Variants in ITM2C observed in about 807,000 individuals in gnomAD.
The protein encoded by ITM2C is integral membrane protein 2C.
In ITM2C, 20 loss-of-function variants were observed where a neutral mutation model predicts 30.0. The ratio of observed to expected loss-of-function variants is 0.67; its 90% CI spans 0.47 to 0.97. The LOEUF is 0.97. ITM2C is among the 50% of genes least tolerant of loss of function. The probability of loss-of-function intolerance (pLI) is 0.00; values close to 1 mark genes in which losing one functional copy is unlikely to be tolerated. For missense variants in ITM2C, 366 were observed against 371.9 expected, an observed-to-expected ratio of 0.98 and a Z score of 0.13; for synonymous variants, 167 against 156.4, an observed-to-expected ratio of 1.07 and a Z score of -0.51.
rs539657538 is a variant in ITM2C at position 230,877,231 on chromosome 2, C to T, written c.562-169C>T. ...GTACGGACTCGTGCGCATGCCATTG[C>T]TCCTGGCAGCACAGGTGCAGGCACC... On this transcript the variant is annotated intron_variant, in intron 4 of 5. Transcript: ENST00000326427. This position sits in a 1 kb window ranked among gnomAD's most constrained non-coding sequence, Gnocchi z 4.8. Among the ~76,000 whole-genome samples the T allele has an allele frequency of 6.6e-6, 1 of 152,322 alleles. No individual in the cohort carries two copies. The highest frequency in any genetic ancestry group is 2.4e-5 in the African/African-American group (1 of 41,556).
At position 230,873,204 on chromosome 2, in the gene ITM2C, T is replaced by C. The variant is rs187514180; in HGVS notation, c.121-213T>C. The C allele has an allele frequency of 5.0e-5, 23 of 458,318 alleles. 1 individual carries two copies. In the East Asian group the frequency reaches 7.6e-4, roughly 15 times the overall value. 28.4% of individuals were successfully genotyped at this position (458,318 alleles called of 1,614,324 possible). On this transcript the variant is annotated intron_variant, in intron 1 of 5. Coordinates refer to ENST00000326427, the MANE Select transcript of ITM2C (RefSeq NM_030926.6). ...TTCTCTTTCGAGGTGTGTCTCCTTT[T>C]CTCTTTCGAGGTTTGTCTCGGTTTC...
Position 230,865,164 on chromosome 2 carries a change from C to T in ITM2C, c.120+19C>T, listed in dbSNP as rs1326382710. The T allele has an allele frequency of 1.4e-6, 2 of 1,413,528 alleles. No individual in the cohort carries two copies. The highest frequency in any genetic ancestry group is 9.3e-7 in the Non-Finnish European group (1 of 1,071,020). The allele number at this position is 1,413,528 out of a possible 1,614,324, so 87.6% of individuals were successfully genotyped here. ...GGCTAGGGTGAGAGGGTCTGGGGCT[C>T]AGGCGGTGGGGCGGGGGACCCAGGC... is the stretch of plus-strand genomic sequence containing the variant. On this transcript the variant is annotated intron_variant, in intron 1 of 5. Coordinates refer to ENST00000326427, the MANE Select transcript of ITM2C (RefSeq NM_030926.6). This position sits in a 1 kb window ranked among gnomAD's most constrained non-coding sequence, Gnocchi z 6.8.
Position 230,877,701 on chromosome 2 carries a change from G to T in ITM2C, c.712+151G>T. 3.7e-6 allele frequency: 3 copies of T among 800,428 alleles called. No individual in the cohort carries two copies. The highest frequency in any genetic ancestry group is 1.7e-5 in the South Asian group (1 of 57,974). 49.6% of individuals were successfully genotyped at this position (800,428 alleles called of 1,614,324 possible). A position where few individuals can be genotyped will look rare whatever the true frequency, so the allele number is the denominator to read the frequency against. ...ACTTCCGTGTGCCGGGCAATGCTGTGTGCTCTTTATGACCTCTTAAGAGTG... is the reference window on the plus strand; with the variant it reads ...ACTTCCGTGTGCCGGGCAATGCTGTTTGCTCTTTATGACCTCTTAAGAGTG... On this transcript the variant is annotated intron_variant, in intron 5 of 5. Transcript: ENST00000326427. This position sits in a 1 kb window ranked among gnomAD's most constrained non-coding sequence, Gnocchi z 4.8.
At position 230,877,979 on chromosome 2, in the gene ITM2C, C is replaced by T. The variant is rs1287822117; in HGVS notation, c.713-29C>T. 6.3e-7 allele frequency: 1 copy of T among 1,577,770 alleles called. No individual in the cohort carries two copies. Among genetic ancestry groups the T allele is most frequent in the Non-Finnish European group, 8.7e-7 (1 of 1,147,460 alleles). ...TTTGTGACTCAGCCAGGATGCAGGG[C>T]TCACTGGGGTTTTTCTTTTTCCTCC... On this transcript the variant is annotated intron_variant, in intron 5 of 5. Transcript: ENST00000326427. This position sits in a 1 kb window ranked among gnomAD's most constrained non-coding sequence, Gnocchi z 4.8.
intron 2 of ITM2C, 54 bp from the exon 3 acceptor site, chr2:230,875,566 G>A: frequency 1.3e-6 from 2 of 1,500,686 alleles, no homozygotes; most frequent in East Asian, 2.3e-5. Context: ...GCCTTACGGA[G>A]TGCGTGTATG....
chr2:230,870,580 C>A (rs1697139985), intron 1 of ITM2C, among the ~76,000 whole-genome samples: 1 of 152,188 alleles, frequency 6.6e-6, no homozygotes, highest in African/African-American at 2.4e-5. Flanking sequence ...TGGCAGGAAC[C>A]CCTGCCCTTC....
intron 3 of ITM2C, among the ~76,000 whole-genome samples, chr2:230,876,353 C>A (rs147311070): frequency 7.2e-4 from 110 of 152,306 alleles, no homozygotes; most frequent in African/African-American, 2.6e-3. Context: ...GTGGCACCTT[C>A]TACAACAGGC....
chr2:230,866,361 C>T (rs987518470), intron 1 of ITM2C, among the ~76,000 whole-genome samples: 1 of 152,200 alleles, frequency 6.6e-6, no homozygotes, highest in African/African-American at 2.4e-5. Flanking sequence ...TTCAGTCTTG[C>T]CTGGGGCATT....
At position 230,878,225 on chromosome 2, in the gene ITM2C, T is replaced by G. The variant is rs774748302; in HGVS notation, c.*126T>G. The G allele has an allele frequency of 1.9e-4, 109 of 576,640 alleles. No individual in the cohort carries two copies. The highest frequency in any genetic ancestry group is 2.8e-4 in the Non-Finnish European group (97 of 340,424). 35.7% of individuals were successfully genotyped at this position (576,640 alleles called of 1,614,324 possible). On this transcript the variant is annotated 3_prime_UTR_variant, in exon 6 of 6. Transcript: ENST00000326427. The surrounding 1 kb of genome is among the most constrained non-coding windows in gnomAD (Gnocchi z 4.5). The stretch of plus-strand genomic sequence containing the variant: ...CGTTTCTATAGAGGTGACATGTCTC[T>G]CCATTCCTCTCCAACCCTGCCCACC...
chr2:230,865,482 T>G lies in ITM2C; in HGVS notation c.120+337T>G, dbSNP rs1574586301. The G allele has an allele frequency of 4.9e-6, 1 of 203,226 alleles. No homozygotes were observed. Among genetic ancestry groups the G allele is most frequent in the Non-Finnish European group, 9.7e-6 (1 of 102,784 alleles). 12.6% of individuals were successfully genotyped at this position (203,226 alleles called of 1,614,324 possible). A position where few individuals can be genotyped will look rare whatever the true frequency, so the allele number is the denominator to read the frequency against. ...TCCGAAGAAGTTCGAGGAATGTTGG[T>G]GGGGGGGTACGCGTCTGGTTCCAAT... On this transcript the variant is annotated intron_variant, in intron 1 of 5. Transcript: ENST00000326427. This position sits in a 1 kb window ranked among gnomAD's most constrained non-coding sequence, Gnocchi z 6.8.
intron 1 of ITM2C, among the ~76,000 whole-genome samples, chr2:230,871,697 G>C (rs536016479): frequency 6.6e-6 from 1 of 152,232 alleles, no homozygotes; most frequent in Non-Finnish European, 1.5e-5. Flanking sequence ...GCTCCCTTGC[G>C]GGCAGACTTG....
chr2:230,873,625 A>G, intron 2 of ITM2C, 68 bp downstream of exon 2: 1 of 1,457,238 alleles, frequency 6.9e-7, no homozygotes, highest in Middle Eastern at 1.8e-4. Context: ...CATGGAGGGA[A>G]GTGTCTGCAA....
At chr2:230,874,400 C>T (rs767306909) in intron 2 of ITM2C, among the ~76,000 whole-genome samples, 12 of 152,160 alleles carry the variant, frequency 7.9e-5, no homozygotes, top group Non-Finnish European at 1.8e-4. Flanking sequence ...GGCCTGCGTC[C>T]CCCTCGTTCC....
rs1385855697 is a variant in ITM2C, at chr2:230,865,099, C to T, written c.74C>T (p.Ala25Val). The change falls in exon 1 of 6, where the codon GCC becomes GTC. Residue 25 changes from alanine to valine, a missense_variant. Transcript: ENST00000326427. This position sits in a 1 kb window ranked among gnomAD's most constrained non-coding sequence, Gnocchi z 6.8. ...GDKADKASAS[A>V]PAPASATEIL... ...AAGGCTGACAAGGCGTCGGCGTCGG[C>T]CCCTGCGCCGGCCTCGGCCACCGAG... The T allele has an allele frequency of 2.0e-6, 3 of 1,518,994 alleles. No individual in the cohort carries two copies. The highest frequency in any genetic ancestry group is 2.8e-5 in the African/African-American group (2 of 70,232). The allele number at this position is 1,518,994 out of a possible 1,614,324, so 94.1% of individuals were successfully genotyped here.
At chr2:230,875,545 G>A (rs1017351214) in intron 2 of ITM2C, 75 bp from the exon 3 acceptor site, 17 of 1,340,024 alleles carry the variant, frequency 1.3e-5, no homozygotes, top group Non-Finnish European at 1.7e-5. Flanking sequence ...CGGACGGGTA[G>A]GCAAGAGGGG....
At position 230,871,145 on chromosome 2, in the gene ITM2C, C is replaced by T. The variant is rs539021341; in HGVS notation, c.121-2272C>T. 2.4e-4 allele frequency among the ~76,000 whole-genome samples: 37 copies of T among 152,358 alleles called. 1 individual carries two copies. In the South Asian group the frequency reaches 7.0e-3, roughly 29 times the overall value. On this transcript the variant is annotated intron_variant, in intron 1 of 5. Transcript: ENST00000326427. ...CTGTCCACATTTTGCATGGGAGACC[C>T]GAGAAGGGGGAGGTTGCAGGGCCCC...
intron 1 of ITM2C, among the ~76,000 whole-genome samples, chr2:230,871,813 T>A (rs1697172861): frequency 6.6e-6 from 1 of 152,200 alleles, no homozygotes; most frequent in Non-Finnish European, 1.5e-5. Context: ...TCCAGACATT[T>A]TCTGTCCTTT....
At chr2:230,876,075 T>A (rs1697288725) in intron 3 of ITM2C, among the ~76,000 whole-genome samples, 1 of 152,030 alleles carries the variant, frequency 6.6e-6, no homozygotes, top group East Asian at 1.9e-4. Flanking sequence ...CGAGGGGTAG[T>A]ACATTCACCA....
At chr2:230,867,445 G>T (rs1697055080) in intron 1 of ITM2C, among the ~76,000 whole-genome samples, 1 of 152,268 alleles carries the variant, frequency 6.6e-6, no homozygotes, top group African/African-American at 2.4e-5. Context: ...TGAGCAGGCA[G>T]GAGGCCCATT....
Sources: gnomAD v4.1 joint callset for allele counts (sites outside exome capture counted in the v4.1 genomes callset) on GRCh38, gnomAD v4.1.1 for gene constraint, Gnocchi (gnomAD v3.1) non-coding constraint, MANE v1.5 for transcripts, NCBI Gene and HGNC (gene_info 2026-07-23, HGNC 2026-07-21) for gene names.